Variants in BLOC1S5 observed in about 807,000 individuals in gnomAD.
BLOC1S5 encodes biogenesis of lysosome-related organelles complex 1 subunit 5.
Under a neutral mutation model 24.3 loss-of-function variants are expected in BLOC1S5, and 27 were observed. That is an observed-to-expected ratio of 1.11 (90% CI 0.82 to 1.53). The LOEUF (loss-of-function observed/expected upper bound fraction) is 1.53. BLOC1S5 is among the 40% of genes most tolerant of loss of function. BLOC1S5 has a pLI of 0.00. For missense variants in BLOC1S5, 239 were observed against 229.4 expected, an observed-to-expected ratio of 1.04 and a Z score of -0.27; for synonymous variants, 84 against 74.5, an observed-to-expected ratio of 1.13 and a Z score of -0.66.
chr6:8,020,454 G>T (rs1408240021), intron 4 of BLOC1S5, among the ~76,000 whole-genome samples: 1 of 152,228 alleles, frequency 6.6e-6, no homozygotes, highest in African/African-American at 2.4e-5. Flanking sequence ...TCTTGCCCTA[G>T]GGGCCAGTTC....
chr6:8,044,369 T>C (rs965320252), intron 2 of BLOC1S5, among the ~76,000 whole-genome samples: 2 of 151,388 alleles, frequency 1.3e-5, no homozygotes, highest in Non-Finnish European at 2.9e-5. Flanking sequence ...GAACTGTAAG[T>C]CCAATTAAAC....
intron 2 of BLOC1S5, among the ~76,000 whole-genome samples, chr6:8,050,034 C>T (rs771801074): frequency 9.2e-5 from 14 of 152,104 alleles, no homozygotes; most frequent in African/African-American, 1.2e-4. Context: ...TCTAAGTGTA[C>T]GCAAGCATAC....
intron 3 of BLOC1S5, among the ~76,000 whole-genome samples, chr6:8,032,859 A>G (rs1485433193): frequency 1.3e-5 from 2 of 152,242 alleles, no homozygotes; most frequent in Non-Finnish European, 2.9e-5. Context: ...CCAAATCATG[A>G]GTGAACTCCC....
chr6:8,026,654 C>T (rs1763116957), intron 3 of BLOC1S5, among the ~76,000 whole-genome samples: 1 of 152,124 alleles, frequency 6.6e-6, no homozygotes, highest in African/African-American at 2.4e-5. Flanking sequence ...GAGCTTTGAG[C>T]TACAAGCTGA....
intron 3 of BLOC1S5, chr6:8,027,105 G>A (rs1581400891): frequency 3.6e-5 from 11 of 308,760 alleles, no homozygotes; most frequent in East Asian, 1.7e-4. Flanking sequence ...ACACTCTACC[G>A]CCTCTTTAAT....
At chr6:8,048,484 A>C (rs1184764467) in intron 2 of BLOC1S5, among the ~76,000 whole-genome samples, 1 of 148,874 alleles carries the variant, frequency 6.7e-6, no homozygotes, top group Non-Finnish European at 1.5e-5. Flanking sequence ...GTCAAACTTA[A>C]ATTAAAGACC....
At chr6:8,030,236 C>T (rs1763251491) in intron 3 of BLOC1S5, among the ~76,000 whole-genome samples, 1 of 152,028 alleles carries the variant, frequency 6.6e-6, no homozygotes, top group Non-Finnish European at 1.5e-5. Flanking sequence ...CTCGGCATAC[C>T]ACAACCCCTG....
chr6:8,046,758 A>G (rs1265519192), intron 2 of BLOC1S5, among the ~76,000 whole-genome samples: 1 of 147,196 alleles, frequency 6.8e-6, no homozygotes, highest in South Asian at 2.1e-4. Context: ...TTCAACCTGT[A>G]TCTTTTTTTT....
intron 2 of BLOC1S5, among the ~76,000 whole-genome samples, chr6:8,042,622 G>A (rs1230780696): frequency 6.7e-6 from 1 of 149,412 alleles, no homozygotes; most frequent in Non-Finnish European, 1.5e-5. Context: ...AACATTATGA[G>A]ATTTTTTTGT....
chr6:8,057,933 T>C (rs940789257), intron 2 of BLOC1S5, among the ~76,000 whole-genome samples: 2 of 152,232 alleles, frequency 1.3e-5, no homozygotes, highest in South Asian at 4.1e-4. Context: ...AGTTGTTTCC[T>C]CTTCTGAGCT....
At chr6:8,030,691 G>A (rs1359499455) in intron 3 of BLOC1S5, among the ~76,000 whole-genome samples, 1 of 151,078 alleles carries the variant, frequency 6.6e-6, no homozygotes, top group Non-Finnish European at 1.5e-5. Flanking sequence ...GAACAACATG[G>A]TGAAACCCCC....
At chr6:8,064,186 G>A (rs1255455278) in intron 1 of BLOC1S5, 79 bp downstream of exon 1, 3 of 1,249,772 alleles carry the variant, frequency 2.4e-6, no homozygotes, top group African/African-American at 1.6e-5. Context: ...CCCGGGGGTC[G>A]GCCCGGGTCA....
At chr6:8,041,311 C>CTT in intron 2 of BLOC1S5, 43 bp from the exon 3 acceptor site, 10 of 771,486 alleles carry the variant, frequency 1.3e-5, no homozygotes, top group South Asian at 7.3e-5. Context: ...GGTGTCTTTT[C>CTT]CTTTTTTTTT....
Position 8,056,927 on chromosome 6 carries a change from C to CAA in BLOC1S5, c.195+5605_195+5606dup, listed in dbSNP as rs576053690. Among the ~76,000 whole-genome samples the CAA allele has an allele frequency of 3.6e-4, 54 of 152,058 alleles. No homozygotes were observed. In the South Asian group the frequency reaches 5.8e-3, roughly 16 times the overall value. On this transcript the variant is annotated intron_variant, in intron 2 of 4. Coordinates refer to ENST00000397457, the MANE Select transcript of BLOC1S5 (RefSeq NM_201280.3). ...ACCCATTAATAATCAATTTAAAAGA[C>CAA]AAAAAAAGGCCTGGCGTGGTGGCTC... is the stretch of plus-strand genomic sequence containing the variant.
chr6:8,043,591 G>T (rs1763767892), intron 2 of BLOC1S5, among the ~76,000 whole-genome samples: 1 of 152,184 alleles, frequency 6.6e-6, no homozygotes, highest in African/African-American at 2.4e-5. Context: ...ATCATTCAAT[G>T]CAATGTGGTA....
At chr6:8,029,598 T>C (rs1432673116) in intron 3 of BLOC1S5, among the ~76,000 whole-genome samples, 1 of 152,124 alleles carries the variant, frequency 6.6e-6, no homozygotes, top group Non-Finnish European at 1.5e-5. Flanking sequence ...GCTCTGTAAC[T>C]CAGCCAAAGG....
chr6:8,057,572 G>A (rs111425118), intron 2 of BLOC1S5, among the ~76,000 whole-genome samples: 3,690 of 152,142 alleles, frequency 0.024, 152 homozygotes, highest in African/African-American at 0.082. Flanking sequence ...AAAACCATAC[G>A]GTGTCTACAC....
At chr6:8,063,410 T>C (rs1437723831) in intron 1 of BLOC1S5, among the ~76,000 whole-genome samples, 1 of 152,224 alleles carries the variant, frequency 6.6e-6, no homozygotes, top group Admixed American at 6.5e-5. Flanking sequence ...AACTATGTAG[T>C]TTAAAATGTA....
At chr6:8,025,169 A>G (rs1223793495) in intron 4 of BLOC1S5, among the ~76,000 whole-genome samples, 1 of 152,220 alleles carries the variant, frequency 6.6e-6, no homozygotes, top group East Asian at 1.9e-4. Flanking sequence ...TTTATCCTCT[A>G]TTATTATAGT....
Sources: gnomAD v4.1 joint callset for allele counts (sites outside exome capture counted in the v4.1 genomes callset) on GRCh38, gnomAD v4.1.1 for gene constraint, MANE v1.5 for transcripts, NCBI Gene and HGNC (gene_info 2026-07-23, HGNC 2026-07-21) for gene names.